Variants in ABCA12 observed in about 807,000 individuals in gnomAD.
ABCA12 encodes the protein ATP binding cassette subfamily A member 12.
A neutral mutation model predicts 293.5 loss-of-function variants in ABCA12; 156 were observed. The ratio of observed to expected loss-of-function variants is 0.53; its 90% CI spans 0.47 to 0.61. The LOEUF is 0.61. ABCA12 is among the 20% of genes least tolerant of loss of function. ABCA12 has a pLI of 0.00. For synonymous variants in ABCA12, 1,063 were observed against 1,108.0 expected (o/e 0.96, Z 0.81); for missense variants, 2,797 against 3,090.2 (o/e 0.91, Z 2.25).
intron 7 of ABCA12, among the ~76,000 whole-genome samples, chr2:215,037,577 ATATTC>A (rs1175369077): frequency 1.3e-5 from 2 of 152,180 alleles, no homozygotes; most frequent in African/African-American, 4.8e-5. Context: ...ATTAAAGACT[ATATTC>A]TATCTTCTAA....
chr2:215,034,312 C>T (rs910957460), intron 8 of ABCA12, among the ~76,000 whole-genome samples: 1 of 152,160 alleles, frequency 6.6e-6, no homozygotes, highest in Admixed American at 6.5e-5. Context: ...TCTATTTTCA[C>T]GGTTGCTAAG....
chr2:215,136,664 T>G (rs2105924637), intron 1 of ABCA12, among the ~76,000 whole-genome samples: 1 of 152,334 alleles, frequency 6.6e-6, no homozygotes, highest in South Asian at 2.1e-4. Flanking sequence ...TTCCTTTCAT[T>G]ATTAATCTGC....
intron 3 of ABCA12, among the ~76,000 whole-genome samples, chr2:215,062,980 T>C (rs1701565410): frequency 6.6e-6 from 1 of 152,020 alleles, no homozygotes; most frequent in African/African-American, 2.4e-5. Context: ...GAATGGTGCC[T>C]GGCACATAGA....
At chr2:215,025,930 C>T in intron 10 of ABCA12, 151 bp from the exon 11 acceptor site, 1 of 612,910 alleles carries the variant, frequency 1.6e-6, no homozygotes, top group Non-Finnish European at 2.9e-6. Context: ...GAAAATTTAA[C>T]CTTTATTTGA....
chr2:215,127,297 T>A (rs1489058807), intron 1 of ABCA12, among the ~76,000 whole-genome samples: 1 of 152,208 alleles, frequency 6.6e-6, no homozygotes, highest in Non-Finnish European at 1.5e-5. Context: ...TCTGTACAGA[T>A]CTGTTAAGTT....
chr2:214,978,297 A>G lies in ABCA12; in HGVS notation c.5128+19T>C. The G allele has an allele frequency of 1.2e-6, 2 of 1,613,882 alleles. No homozygotes were observed. The highest frequency in any genetic ancestry group is 1.7e-6 in the Non-Finnish European group (2 of 1,179,832). Reference sequence around the variant, plus strand: ...GTCATCCATTGGAATTAAACAAAATATCCACATTAGATTCATACCATCTCT... The same window carrying G: ...GTCATCCATTGGAATTAAACAAAATGTCCACATTAGATTCATACCATCTCT... On this transcript the variant is annotated intron_variant, in intron 33 of 52. Transcript: ENST00000272895.
rs770633067 is a variant in ABCA12, at chr2:214,986,581, G to A, written c.4124C>T (p.Ser1375Leu). 17 of 1,613,958 alleles carry A rather than the reference G, an allele frequency of 1.1e-5. No individual in the cohort carries two copies. The highest frequency in any genetic ancestry group is 1.3e-5 in the Non-Finnish European group (15 of 1,179,992). Residue 1375 changes from serine (S) to leucine (L), a missense_variant, in exon 28 of 53, where the codon TCA (serine) becomes TTA (leucine). By Grantham distance (145) the Ser-to-Leu change is moderately radical (BLOSUM62 -2). Coordinates refer to ENST00000272895, the MANE Select transcript of ABCA12 (RefSeq NM_173076.3). ...CCCAGCTCCATTGGGCCCCAGCAATGAAGTAATATGCCCTTCATAAAAGTT... is the reference window on the plus strand; with the variant it reads ...CCCAGCTCCATTGGGCCCCAGCAATAAAGTAATATGCCCTTCATAAAAGTT... Reference protein sequence around the residue: ...NLNFYEGHITSLLGPNGAGKT... With the variant: ...NLNFYEGHITLLLGPNGAGKT...
rs1700580891 is a variant in ABCA12, at chr2:215,019,611, G to A, written c.1473C>T (p.Asp491=). Residue 491 remains aspartate (D), a synonymous_variant, in exon 12 of 53, where the codon GAC becomes GAT. Coordinates refer to ENST00000272895, the MANE Select transcript of ABCA12 (RefSeq NM_173076.3). ...CTCTCACTTTTTTAGATATGACATT[G>A]TCATGGTACAGTAAGCTGGCTGCTA... The part of the protein sequence containing the change: ...TEIAASLLYH[D]NVISKKVRDL... 6.2e-7 allele frequency: 1 copy of A among 1,614,068 alleles called. No homozygotes were observed. The highest frequency in any genetic ancestry group is 2.2e-5 in the East Asian group (1 of 44,886).
intron 19 of ABCA12, among the ~76,000 whole-genome samples, chr2:215,004,586 C>T (rs1257845658): frequency 6.6e-6 from 1 of 152,196 alleles, no homozygotes; most frequent in East Asian, 1.9e-4. Context: ...TTCGATTTAA[C>T]AGGATTTTTC....
intron 32 of ABCA12, 35 bp from the exon 33 acceptor site, chr2:214,978,501 A>G: frequency 6.2e-7 from 1 of 1,606,006 alleles, no homozygotes; most frequent in Non-Finnish European, 8.5e-7. Flanking sequence ...CATTAACATG[A>G]AAAGTGCATG....
In ABCA12 at chr2:215,081,485, AAAAAAAAG is replaced by A. The variant is rs1459065731; in HGVS notation, c.164-17274_164-17267del. Among the ~76,000 whole-genome samples, 20 of 98,780 alleles carry A rather than the reference AAAAAAAAG, an allele frequency of 2.0e-4. 1 individual carries two copies. Among genetic ancestry groups the A allele is most frequent in the Non-Finnish European group, 3.7e-4 (20 of 53,482 alleles). 64.8% of individuals were successfully genotyped at this position (98,780 alleles called of 152,430 possible). The stretch of plus-strand genomic sequence containing the variant: ...CAAAGCAAGACTCTGTCTCAAAAAA[AAAAAAAAG>A]AAAAAGAAAAAAGAAAAAGAAAAAA... On this transcript the variant is annotated intron_variant, in intron 2 of 52. Coordinates refer to ENST00000272895, the MANE Select transcript of ABCA12 (RefSeq NM_173076.3).
intron 2 of ABCA12, among the ~76,000 whole-genome samples, chr2:215,103,867 A>G (rs1702408854): frequency 6.6e-6 from 1 of 151,816 alleles, no homozygotes. Flanking sequence ...GATGCCTGTA[A>G]CCCCAGCTAC....
At chr2:214,982,827 T>G (rs1307884862) in intron 29 of ABCA12, among the ~76,000 whole-genome samples, 1 of 152,126 alleles carries the variant, frequency 6.6e-6, no homozygotes, top group Non-Finnish European at 1.5e-5. Flanking sequence ...TCAATAAATA[T>G]ATTCTCAAGT....
intron 43 of ABCA12, among the ~76,000 whole-genome samples, chr2:214,954,919 C>A (rs1035377829): frequency 2.0e-5 from 3 of 152,196 alleles, no homozygotes; most frequent in African/African-American, 7.2e-5. Flanking sequence ...GTTTAGCTGA[C>A]CAATGGTTGC....
At chr2:214,989,210 A>ATATATATAT (rs60341150) in intron 26 of ABCA12, 119 bp downstream of exon 26, 64 of 149,556 alleles carry the variant, frequency 4.3e-4, no homozygotes, top group Non-Finnish European at 5.3e-4. Flanking sequence ...ATATATATAT[A>ATATATATAT]ATATTTTTAT....
intron 36 of ABCA12, 34 bp downstream of exon 36, chr2:214,973,915 T>C (rs1358390779): frequency 2.6e-6 from 4 of 1,547,596 alleles, no homozygotes; most frequent in Non-Finnish European, 3.6e-6. Flanking sequence ...TTCCCGTATT[T>C]TTCCCATTTC....
chr2:214,964,878 T>A (rs181567847), intron 39 of ABCA12, among the ~76,000 whole-genome samples: 1 of 152,144 alleles, frequency 6.6e-6, no homozygotes, highest in South Asian at 2.1e-4. Context: ...AAAAAAATTT[T>A]AAAATTCATA....
intron 2 of ABCA12, among the ~76,000 whole-genome samples, chr2:215,099,303 C>G (rs989181551): frequency 6.6e-6 from 1 of 152,346 alleles, no homozygotes; most frequent in South Asian, 2.1e-4. Context: ...TCTTCCAGCC[C>G]TACTCGAGTT....
At chr2:215,064,693 GCA>G (rs10541959) in intron 2 of ABCA12, among the ~76,000 whole-genome samples, 7,728 of 139,828 alleles carry the variant, frequency 0.055, 222 homozygotes, top group South Asian at 0.074. Flanking sequence ...TTTAATACAC[GCA>G]CACACACACA....
Sources: allele counts gnomAD v4.1 joint callset (sites outside exome capture counted in the v4.1 genomes callset), GRCh38; gene constraint gnomAD v4.1.1; transcripts MANE v1.5; gene names NCBI Gene and HGNC (gene_info 2026-07-23, HGNC 2026-07-21).